The following AUTS2 variants were observed in gnomAD, a reference collection of about 807,000 sequenced individuals.
The protein encoded by AUTS2 is activator of transcription and developmental regulator AUTS2.
In AUTS2, 17 loss-of-function variants were observed where a neutral mutation model predicts 112.4. The ratio of observed to expected loss-of-function variants is 0.15; its 90% CI spans 0.10 to 0.23. AUTS2 has a LOEUF of 0.23. Among genes scored for constraint, AUTS2 ranks in the 10% least tolerant of loss-of-function variants. AUTS2 has a pLI of 1.00. For synonymous variants in AUTS2, 751 were observed against 702.7 expected, an observed-to-expected ratio of 1.07 and a Z score of -1.09; for missense variants, 1,510 against 1,701.6, an observed-to-expected ratio of 0.89 and a Z score of 1.98.
At chr7:70,095,923 G>C (rs913324605) in intron 2 of AUTS2, among the ~76,000 whole-genome samples, 1 of 152,170 alleles carries the variant, frequency 6.6e-6, no homozygotes, top group Admixed American at 6.5e-5. Context: ...ACAGTTTTAA[G>C]AACAGCAAGG....
intron 4 of AUTS2, among the ~76,000 whole-genome samples, chr7:70,180,634 C>T (rs1809247036): frequency 2.0e-5 from 3 of 152,126 alleles, no homozygotes; most frequent in Non-Finnish European, 2.9e-5. Context: ...CTGGTTCTCT[C>T]GCTATTCCTT....
chr7:70,758,307 G>A (rs1413621482), intron 6 of AUTS2, among the ~76,000 whole-genome samples: 2 of 151,998 alleles, frequency 1.3e-5, no homozygotes, highest in African/African-American at 2.4e-5. Context: ...CATTGTGTCT[G>A]TAGACTAAAT....
chr7:70,278,704 A>G (rs1308080947), intron 4 of AUTS2, among the ~76,000 whole-genome samples: 1 of 152,208 alleles, frequency 6.6e-6, no homozygotes, highest in East Asian at 1.9e-4. Context: ...CTATACCTGA[A>G]TGTTTATAAT....
At position 70,691,404 on chromosome 7, in the gene AUTS2, A is replaced by G. The variant is rs544831528; in HGVS notation, c.691-7165A>G. On this transcript the variant is annotated intron_variant, in intron 5 of 18. Transcript: ENST00000342771. ...TTATATTAAAACTCCAATAAAAGGA[A>G]ATTAAATTTCTCAAGGAAAAAAAAA... 4.0e-5 allele frequency among the ~76,000 whole-genome samples: 5 copies of G among 126,036 alleles called. No homozygotes were observed. The Admixed American group carries it at 4.6e-4, about 12-fold the overall frequency. 82.7% of individuals were successfully genotyped at this position (126,036 alleles called of 152,430 possible).
intron 4 of AUTS2, among the ~76,000 whole-genome samples, chr7:70,431,797 T>G (rs1433133647): frequency 6.6e-6 from 1 of 152,258 alleles, no homozygotes; most frequent in African/African-American, 2.4e-5. Flanking sequence ...TTTTAATTCA[T>G]GAAACCAGGG....
At chr7:69,764,250 A>C (rs374928424) in intron 1 of AUTS2, among the ~76,000 whole-genome samples, 1 of 152,230 alleles carries the variant, frequency 6.6e-6, no homozygotes, top group Non-Finnish European at 1.5e-5. Context: ...CTGAAGTGCC[A>C]TGAAGTGGCA....
intron 5 of AUTS2, among the ~76,000 whole-genome samples, chr7:70,598,897 G>A (rs569189468): frequency 8.5e-5 from 13 of 152,188 alleles, no homozygotes; most frequent in Non-Finnish European, 5.9e-5. Flanking sequence ...AGGAACAGAT[G>A]TGGGTCAAAA....
intron 4 of AUTS2, among the ~76,000 whole-genome samples, chr7:70,316,139 G>A (rs1789984591): frequency 6.6e-6 from 1 of 152,172 alleles, no homozygotes; most frequent in Non-Finnish European, 1.5e-5. Context: ...ATAAGAAGTG[G>A]GGATAAGTGG....
chr7:69,722,222 A>G (rs570880962), intron 1 of AUTS2, among the ~76,000 whole-genome samples: 10 of 152,002 alleles, frequency 6.6e-5, no homozygotes, highest in Non-Finnish European at 1.5e-4. Context: ...GGTGGTGGCT[A>G]TTAGAAGACT....
At chr7:70,130,891 T>A (rs1806236786) in intron 3 of AUTS2, among the ~76,000 whole-genome samples, 1 of 152,162 alleles carries the variant, frequency 6.6e-6, no homozygotes, top group African/African-American at 2.4e-5. Flanking sequence ...AAAATATGAA[T>A]GAAATGGCAA....
intron 5 of AUTS2, among the ~76,000 whole-genome samples, chr7:70,504,952 A>G (rs1484278333): frequency 2.6e-5 from 4 of 152,214 alleles, no homozygotes; most frequent in African/African-American, 7.2e-5. Flanking sequence ...AGGCTGGAAA[A>G]AGAAAAAAGT....
At chr7:69,935,056 A>G (rs903048881) in intron 2 of AUTS2, among the ~76,000 whole-genome samples, 3 of 152,064 alleles carry the variant, frequency 2.0e-5, no homozygotes, top group African/African-American at 7.2e-5. Context: ...TTAGGCACCC[A>G]CTAAAGATCC....
At position 70,330,646 on chromosome 7, in the gene AUTS2, T is replaced by C. The variant is rs566422245; in HGVS notation, c.661-105106T>C. Among the ~76,000 whole-genome samples, 10 of 152,308 alleles carry C rather than the reference T, an allele frequency of 6.6e-5. No homozygotes were observed. In the South Asian group the frequency reaches 2.1e-3, roughly 32 times the overall value. Reference sequence around the variant, plus strand: ...TTCCATACAAATCTGTGGATCAGCTTTTGCATTTCTGCAAAAAGATCACTA... The same window carrying C: ...TTCCATACAAATCTGTGGATCAGCTCTTGCATTTCTGCAAAAAGATCACTA... On this transcript the variant is annotated intron_variant, in intron 4 of 18. Coordinates refer to ENST00000342771, the MANE Select transcript of AUTS2 (RefSeq NM_015570.4).
intron 4 of AUTS2, among the ~76,000 whole-genome samples, chr7:70,181,049 G>T (rs1456014136): frequency 6.6e-6 from 1 of 152,014 alleles, no homozygotes; most frequent in Non-Finnish European, 1.5e-5. Flanking sequence ...CTTATATTTT[G>T]GAAAATTGTA....
chr7:70,499,928 C>T (rs1462910697), intron 5 of AUTS2, among the ~76,000 whole-genome samples: 1 of 152,190 alleles, frequency 6.6e-6, no homozygotes, highest in Non-Finnish European at 1.5e-5. Context: ...AAGACTCCAG[C>T]TGTGTGCTGG....
intron 4 of AUTS2, among the ~76,000 whole-genome samples, chr7:70,289,654 A>G (rs1349479990): frequency 3.3e-5 from 5 of 152,192 alleles, no homozygotes; most frequent in Admixed American, 6.5e-5. Context: ...ATGGAAGCTC[A>G]CAAAGGTTGT....
At chr7:70,061,081 A>T (rs983524647) in intron 2 of AUTS2, among the ~76,000 whole-genome samples, 2 of 152,238 alleles carry the variant, frequency 1.3e-5, no homozygotes, top group African/African-American at 2.4e-5. Context: ...TCTGAATTTT[A>T]TCTGGCTCTA....
At chr7:70,289,362 C>T (rs1013804903) in intron 4 of AUTS2, among the ~76,000 whole-genome samples, 1 of 152,178 alleles carries the variant, frequency 6.6e-6, no homozygotes, top group African/African-American at 2.4e-5. Flanking sequence ...AAATTCTCTT[C>T]CATGTGCTCC....
intron 1 of AUTS2, among the ~76,000 whole-genome samples, chr7:69,613,647 A>G (rs1408753668): frequency 6.6e-6 from 1 of 152,218 alleles, no homozygotes; most frequent in African/African-American, 2.4e-5. Flanking sequence ...ATGCCCTCAC[A>G]GATTACTGTG....
Sources: allele counts gnomAD v4.1 joint callset (sites outside exome capture counted in the v4.1 genomes callset), GRCh38; gene constraint gnomAD v4.1.1; transcripts MANE v1.5; gene names NCBI Gene and HGNC (gene_info 2026-07-23, HGNC 2026-07-21).